PARD3B: variants seen among roughly 807,000 people sequenced by gnomAD.
PARD3B encodes the protein par-3 family cell polarity regulator beta.
A neutral mutation model predicts 130.2 loss-of-function variants in PARD3B; 103 were observed. The ratio of observed to expected loss-of-function variants is 0.79; its 90% CI spans 0.67 to 0.93. The LOEUF is 0.93. Ranked by LOEUF, PARD3B falls within the 40% of genes least tolerant of loss-of-function variation. The pLI is 0.00. For missense variants in PARD3B, 1,609 were observed against 1,499.2 expected, an observed-to-expected ratio of 1.07 and a Z score of -1.21; for synonymous variants, 583 against 553.2, an observed-to-expected ratio of 1.05 and a Z score of -0.76.
chr2:205,369,460 A>T (rs1156502839), intron 18 of PARD3B, among the ~76,000 whole-genome samples: 1 of 152,212 alleles, frequency 6.6e-6, no homozygotes, highest in Admixed American at 6.5e-5. Flanking sequence ...CTCCACACGT[A>T]GAATGAGATG....
At chr2:204,879,681 G>GTATA (rs755592770) in intron 2 of PARD3B, among the ~76,000 whole-genome samples, 18 of 152,164 alleles carry the variant, frequency 1.2e-4, no homozygotes, top group Non-Finnish European at 2.5e-4. Flanking sequence ...TTGTTCTTAG[G>GTATA]TATATGCCCT....
intron 3 of PARD3B, among the ~76,000 whole-genome samples, chr2:204,996,002 T>C (rs1442880561): frequency 9.0e-5 from 1 of 11,138 alleles, no homozygotes; most frequent in Non-Finnish European, 1.9e-4. Context: ...TTCAAAGTTT[T>C]CAACTTCTTT....
rs145364497 is a variant in PARD3B, at chr2:204,553,991, G to T, written c.120+7872G>T. 3.6e-4 allele frequency among the ~76,000 whole-genome samples: 55 copies of T among 151,878 alleles called. 1 individual carries two copies. In the East Asian group the frequency reaches 8.2e-3, roughly 23 times the overall value. On this transcript the variant is annotated intron_variant, in intron 1 of 22. Coordinates refer to ENST00000406610, the MANE Select transcript of PARD3B (RefSeq NM_001302769.2). Reference sequence around the variant, plus strand: ...CAAAATCTCACAAATCACCACTAAAGAACTTAGTCATGTAATGAATCACCA... The same window carrying T: ...CAAAATCTCACAAATCACCACTAAATAACTTAGTCATGTAATGAATCACCA...
At chr2:205,426,051 T>C (rs562778596) in intron 19 of PARD3B, among the ~76,000 whole-genome samples, 4 of 152,162 alleles carry the variant, frequency 2.6e-5, no homozygotes, top group Non-Finnish European at 4.4e-5. Context: ...CTAGTTCCCT[T>C]ACAATGTCAG....
intron 10 of PARD3B, among the ~76,000 whole-genome samples, chr2:205,143,426 T>G (rs2033128887): frequency 6.6e-6 from 1 of 152,268 alleles, no homozygotes; most frequent in East Asian, 1.9e-4. Flanking sequence ...TGTTGGAAAA[T>G]TAAGATCCAT....
At chr2:205,087,736 C>T (rs1273307156) in intron 4 of PARD3B, among the ~76,000 whole-genome samples, 1 of 152,036 alleles carries the variant, frequency 6.6e-6, no homozygotes, top group East Asian at 1.9e-4. Context: ...TGAATGTCAC[C>T]ATTTCATCCG....
intron 1 of PARD3B, among the ~76,000 whole-genome samples, chr2:204,572,101 G>A (rs2032037012): frequency 6.6e-6 from 1 of 152,206 alleles, no homozygotes; most frequent in Non-Finnish European, 1.5e-5. Context: ...GAAAGGGAAA[G>A]TAAACTGAAG....
rs145323767 is a variant in PARD3B at position 205,394,744 on chromosome 2, G to A, written c.2631-6269G>A. Among the ~76,000 whole-genome samples the A allele has an allele frequency of 2.3e-4, 35 of 152,248 alleles. No individual in the cohort carries two copies. The South Asian group carries it at 3.9e-3, about 17-fold the overall frequency. ...TAGGTTAAATAAGCCAGACACAAAC[G>A]AATAAATTTTCTGTGATCCCACTTA... On this transcript the variant is annotated intron_variant, in intron 18 of 22. Transcript: ENST00000406610.
chr2:205,403,916 T>A (rs2046334080), intron 19 of PARD3B, among the ~76,000 whole-genome samples: 2 of 148,028 alleles, frequency 1.4e-5, no homozygotes, highest in African/African-American at 4.9e-5. Context: ...GTACAATCTT[T>A]TGTAAACAAA....
intron 16 of PARD3B, among the ~76,000 whole-genome samples, chr2:205,261,240 G>A (rs1158927677): frequency 6.6e-6 from 1 of 152,028 alleles, no homozygotes; most frequent in African/African-American, 2.4e-5. Flanking sequence ...TCTAATAATT[G>A]TTTGTTAAAT....
intron 20 of PARD3B, among the ~76,000 whole-genome samples, chr2:205,481,223 G>A (rs1321907769): frequency 6.6e-6 from 1 of 152,142 alleles, no homozygotes; most frequent in African/African-American, 2.4e-5. Flanking sequence ...ATTACTGGTG[G>A]AAGAGGCAGT....
chr2:204,944,817 C>A (rs1329497842), intron 2 of PARD3B, among the ~76,000 whole-genome samples: 1 of 152,190 alleles, frequency 6.6e-6, no homozygotes, highest in Non-Finnish European at 1.5e-5. Flanking sequence ...CTTTCTTCCT[C>A]CACCATGGCC....
At chr2:205,517,643 G>C (rs73058199) in intron 21 of PARD3B, among the ~76,000 whole-genome samples, 1 of 151,902 alleles carries the variant, frequency 6.6e-6, no homozygotes, top group East Asian at 1.9e-4. Context: ...ATTCGTTCTT[G>C]CTTCTCTGAT....
At chr2:204,793,644 A>T (rs550796134) in intron 2 of PARD3B, among the ~76,000 whole-genome samples, 1 of 152,158 alleles carries the variant, frequency 6.6e-6, no homozygotes, top group South Asian at 2.1e-4. Flanking sequence ...AGTAGCTGGG[A>T]TTACAGGTGC....
At chr2:204,622,110 G>C (rs2125129195) in intron 1 of PARD3B, among the ~76,000 whole-genome samples, 1 of 152,326 alleles carries the variant, frequency 6.6e-6, no homozygotes, top group South Asian at 2.1e-4. Context: ...CTCGGACTCT[G>C]AGCAGGAACC....
At chr2:205,218,238 A>G (rs1218625644) in intron 15 of PARD3B, among the ~76,000 whole-genome samples, 2 of 151,990 alleles carry the variant, frequency 1.3e-5, no homozygotes, top group Non-Finnish European at 2.9e-5. Flanking sequence ...AATTCTTCTG[A>G]TCGAAACAGG....
At chr2:204,920,953 A>G (rs149029636) in intron 2 of PARD3B, among the ~76,000 whole-genome samples, 2 of 152,268 alleles carry the variant, frequency 1.3e-5, no homozygotes, top group African/African-American at 4.8e-5. Context: ...CTATATGTCC[A>G]CTCACTCACT....
At chr2:204,834,779 T>C (rs2043968045) in intron 2 of PARD3B, among the ~76,000 whole-genome samples, 1 of 152,146 alleles carries the variant, frequency 6.6e-6, no homozygotes, top group South Asian at 2.1e-4. Context: ...CAGCAGAGTG[T>C]TTATTAAACC....
In PARD3B at chr2:205,018,399, G is replaced by A. The variant is rs147661700; in HGVS notation, c.395-29182G>A. Among the ~76,000 whole-genome samples, 95 of 152,166 alleles carry A rather than the reference G, an allele frequency of 6.2e-4. No homozygotes were observed. In the East Asian group the frequency reaches 0.018, roughly 29 times the overall value. On this transcript the variant is annotated intron_variant, in intron 3 of 22. Coordinates refer to ENST00000406610, the MANE Select transcript of PARD3B (RefSeq NM_001302769.2). Reference sequence around the variant, plus strand: ...AATCTGGGAAGAAGGAAAGAAGTTAGGAGACCAACATTCTACCACTTAGTA... The same window carrying A: ...AATCTGGGAAGAAGGAAAGAAGTTAAGAGACCAACATTCTACCACTTAGTA...
Sources: allele counts gnomAD v4.1 joint callset (sites outside exome capture counted in the v4.1 genomes callset), GRCh38; gene constraint gnomAD v4.1.1; transcripts MANE v1.5; gene names NCBI Gene and HGNC (gene_info 2026-07-23, HGNC 2026-07-21).